Variants in HTR2A observed in about 807,000 individuals in gnomAD.
HTR2A encodes the protein 5-hydroxytryptamine receptor 2A.
A neutral mutation model predicts 31.0 loss-of-function variants in HTR2A; 14 were observed. That is an observed-to-expected ratio of 0.45 (90% CI 0.30 to 0.71). The LOEUF is 0.71. HTR2A is among the 30% of genes least tolerant of loss of function. The pLI is 0.09. For synonymous variants in HTR2A, 209 were observed against 225.2 expected (o/e 0.93, Z 0.64); for missense variants, 442 against 573.3 (o/e 0.77, Z 2.34).
chr13:46,894,173 C>T (rs1237797114), intron 2 of HTR2A, among the ~76,000 whole-genome samples: 1 of 152,120 alleles, frequency 6.6e-6, no homozygotes, highest in Non-Finnish European at 1.5e-5. Context: ...CTGGGGGAGG[C>T]TGGAGGAGCA....
chr13:46,857,384 G>A (rs1353782736), intron 3 of HTR2A, among the ~76,000 whole-genome samples: 4 of 152,008 alleles, frequency 2.6e-5, no homozygotes, highest in Non-Finnish European at 5.9e-5. Flanking sequence ...TGTCTAATGA[G>A]GGTCGGTTTG....
chr13:46,896,839 A>T lies in HTR2A; in HGVS notation c.-494T>A, dbSNP rs1263843643. The T allele has an allele frequency of 6.5e-6, 10 of 1,536,530 alleles. No homozygotes were observed. In the Admixed American group the frequency reaches 9.8e-5, roughly 15 times the overall value. On this transcript the variant is annotated 5_prime_UTR_variant, in exon 1 of 4. Coordinates refer to ENST00000542664, the MANE Select transcript of HTR2A (RefSeq NM_000621.5). ...GCTGACTTCAAAAACTGCATGCAAG[A>T]GCTGAGCCAGCTCCCGCACTGCTAG...
At chr13:46,887,285 T>C (rs1009125575) in intron 3 of HTR2A, among the ~76,000 whole-genome samples, 38 of 151,448 alleles carry the variant, frequency 2.5e-4, no homozygotes, top group Non-Finnish European at 4.9e-4. Flanking sequence ...TAGCCGGGTG[T>C]GGTGGCGGGC....
At chr13:46,843,789 A>T (rs1566301120) in intron 3 of HTR2A, among the ~76,000 whole-genome samples, 1 of 152,136 alleles carries the variant, frequency 6.6e-6, no homozygotes, top group Non-Finnish European at 1.5e-5. Flanking sequence ...ATTTCTATGT[A>T]GCAGGGGCTT....
At chr13:46,876,402 ATATTTTTTT>A (rs1262148149) in intron 3 of HTR2A, among the ~76,000 whole-genome samples, 2 of 78,510 alleles carry the variant, frequency 2.5e-5, no homozygotes, top group Non-Finnish European at 4.8e-5. Flanking sequence ...ATATATATAT[ATATTTTTTT>A]TTTTTTTTTT....
chr13:46,855,939 A>C (rs546807189), intron 3 of HTR2A, among the ~76,000 whole-genome samples: 1 of 152,104 alleles, frequency 6.6e-6, no homozygotes, highest in Non-Finnish European at 1.5e-5. Context: ...TCTGGCTACT[A>C]TTGTCTTGTA....
intron 3 of HTR2A, among the ~76,000 whole-genome samples, chr13:46,877,010 T>G (rs1950918996): frequency 6.6e-6 from 1 of 152,032 alleles, no homozygotes; most frequent in South Asian, 2.1e-4. Flanking sequence ...CTTCCCAGAG[T>G]GCAATCATCT....
In HTR2A at chr13:46,896,018, A is replaced by AT; in HGVS notation, c.-113dup. Reference sequence around the variant, plus strand: ...CTCTGTAACACTGAGGCTGGTGTACATGCTGTTCTCCCGGGGCTGGATTTT... The same window carrying AT: ...CTCTGTAACACTGAGGCTGGTGTACATTGCTGTTCTCCCGGGGCTGGATTTT... On this transcript the variant is annotated 5_prime_UTR_variant, in exon 2 of 4. The change creates a new upstream start codon in the 5' untranslated region. Transcript: ENST00000542664. 6.8e-7 allele frequency: 1 copy of AT among 1,464,610 alleles called. No homozygotes were observed. Among genetic ancestry groups the AT allele is most frequent in the Non-Finnish European group, 9.0e-7 (1 of 1,116,548 alleles). The allele number at this position is 1,464,610 out of a possible 1,614,324, so 90.7% of individuals were successfully genotyped here. A position where few individuals can be genotyped will look rare whatever the true frequency, so the allele number is the denominator to read the frequency against.
chr13:46,896,559 C>T (rs370570696), intron 1 of HTR2A, 115 bp downstream of exon 1: 2 of 814,780 alleles, frequency 2.5e-6, no homozygotes, highest in Non-Finnish European at 3.7e-6. Flanking sequence ...TAAAGATTAG[C>T]AGACAACTTT....
intron 3 of HTR2A, among the ~76,000 whole-genome samples, chr13:46,881,763 G>A (rs942416709): frequency 2.0e-5 from 3 of 152,192 alleles, no homozygotes; most frequent in African/African-American, 7.2e-5. Context: ...GGTCCCAGGA[G>A]AGACAATCTC....
In HTR2A at chr13:46,866,982, C is replaced by T. The variant is rs573235560; in HGVS notation, c.613+25408G>A. Among the ~76,000 whole-genome samples the T allele has an allele frequency of 2.0e-4, 31 of 152,188 alleles. 1 individual carries two copies. In the South Asian group the frequency reaches 2.5e-3, roughly 12 times the overall value. On this transcript the variant is annotated intron_variant, in intron 3 of 3. Coordinates refer to ENST00000542664, the MANE Select transcript of HTR2A (RefSeq NM_000621.5). ...CAGAGGTTGCAGTGAGTCGAGATTG[C>T]GCCACTGCACTCCAGCCTGGGTGAC...
At chr13:46,886,275 A>G (rs1223558432) in intron 3 of HTR2A, among the ~76,000 whole-genome samples, 1 of 152,226 alleles carries the variant, frequency 6.6e-6, no homozygotes, top group Admixed American at 6.5e-5. Flanking sequence ...CATAAGAGCA[A>G]TGGAAGAGTC....
chr13:46,842,961 A>G (rs1216427220), intron 3 of HTR2A, among the ~76,000 whole-genome samples: 1 of 152,190 alleles, frequency 6.6e-6, no homozygotes, highest in Non-Finnish European at 1.5e-5. Context: ...GAAATAAACA[A>G]TTCGTAAGTT....
chr13:46,877,868 A>C (rs1212318442), intron 3 of HTR2A, among the ~76,000 whole-genome samples: 2 of 152,128 alleles, frequency 1.3e-5, no homozygotes, highest in Admixed American at 6.6e-5. Flanking sequence ...GCTAGGCAAG[A>C]GGATGAGAAG....
In HTR2A at chr13:46,835,597, G is replaced by A. The variant is rs1428173433; in HGVS notation, c.656C>T (p.Ser219Leu). 15 of 1,613,884 alleles carry A rather than the reference G, an allele frequency of 9.3e-6. No homozygotes were observed. The highest frequency in any genetic ancestry group is 4.5e-5 in the East Asian group (2 of 44,878). ...GCAACTCCCCTCCTTAAAGACCTTC[G>A]AATCGTCCTGTAGCCCAAAGACTGG... is the stretch of plus-strand genomic sequence containing the variant. ...PIPVFGLQDD[S>L]KVFKEGSCLL... The change falls in exon 4 of 4, where the codon TCG (serine) becomes TTG (leucine). Residue 219 changes from serine (S) to leucine (L), a missense_variant. By Grantham distance (145) the Ser-to-Leu change is moderately radical. This residue lies in a region of HTR2A where 174 missense variants were observed against 195.1 expected (regional missense o/e 0.89). Transcript: ENST00000542664.
At chr13:46,837,362 TA>T in intron 3 of HTR2A, among the ~76,000 whole-genome samples, 1 of 152,056 alleles carries the variant, frequency 6.6e-6, no homozygotes, top group Non-Finnish European at 1.5e-5. Context: ...ATCAGGATGA[TA>T]AAAAAGAGAG....
intron 3 of HTR2A, among the ~76,000 whole-genome samples, chr13:46,860,345 G>C (rs1950770055): frequency 6.6e-6 from 1 of 152,136 alleles, no homozygotes; most frequent in Non-Finnish European, 1.5e-5. Flanking sequence ...TATTGCTAAT[G>C]ATGAACAAGT....
intron 3 of HTR2A, among the ~76,000 whole-genome samples, chr13:46,851,650 C>A (rs762047413): frequency 1.1e-4 from 16 of 152,212 alleles, no homozygotes; most frequent in Admixed American, 2.0e-4. Context: ...TAGCAACATT[C>A]TGGGCATGAA....
intron 3 of HTR2A, among the ~76,000 whole-genome samples, chr13:46,845,769 T>C (rs1403262480): frequency 2.6e-5 from 4 of 152,166 alleles, no homozygotes; most frequent in East Asian, 3.9e-4. Context: ...TTACATAGCA[T>C]GTATCCTCTG....
Sources: gnomAD v4.1 joint callset for allele counts (sites outside exome capture counted in the v4.1 genomes callset) on GRCh38, gnomAD v4.1.1 for gene constraint, gnomAD v4.1.1 regional missense constraint, MANE v1.5 for transcripts, NCBI Gene and HGNC (gene_info 2026-07-23, HGNC 2026-07-21) for gene names.